Variants in NEK6 observed in about 807,000 individuals in gnomAD.
NEK6 encodes NIMA related kinase 6.
Under a neutral mutation model 43.5 loss-of-function variants are expected in NEK6, and 27 were observed. That is an observed-to-expected ratio of 0.62 (90% CI 0.46 to 0.86). The LOEUF (loss-of-function observed/expected upper bound fraction) is 0.86, where lower values mean the gene tolerates loss of function less well. Ranked by LOEUF, NEK6 falls within the 40% of genes least tolerant of loss-of-function variation. The pLI, the probability that NEK6 is intolerant of heterozygous loss-of-function variation, is 0.00. For synonymous variants in NEK6, 167 were observed against 164.1 expected (o/e 1.02, Z -0.14); for missense variants, 318 against 414.4 (o/e 0.77, Z 2.02).
chr9:124,336,931 C>T (rs1198860455), intron 7 of NEK6, among the ~76,000 whole-genome samples: 1 of 151,588 alleles, frequency 6.6e-6, no homozygotes, highest in Non-Finnish European at 1.5e-5. Flanking sequence ...TTCACTTCAA[C>T]CCGGAAGGCA....
At chr9:124,335,839 G>A (rs1177050611) in intron 7 of NEK6, among the ~76,000 whole-genome samples, 1 of 152,250 alleles carries the variant, frequency 6.6e-6, no homozygotes, top group Admixed American at 6.5e-5. Flanking sequence ...GCCGGATGCA[G>A]TGGCTCAGGC....
chr9:124,260,865 G>A (rs1379395749), intron 1 of NEK6, among the ~76,000 whole-genome samples: 1 of 152,216 alleles, frequency 6.6e-6, no homozygotes, highest in African/African-American at 2.4e-5. Context: ...GTGCTAATAC[G>A]CAGCAGAGCT....
chr9:124,276,245 T>TC (rs1231152434), intron 1 of NEK6, among the ~76,000 whole-genome samples: 1 of 152,002 alleles, frequency 6.6e-6, no homozygotes, highest in Non-Finnish European at 1.5e-5. Flanking sequence ...GAAGAAATGC[T>TC]CCCCAGGGGC....
chr9:124,328,822 G>T (rs557513547), intron 7 of NEK6, among the ~76,000 whole-genome samples: 6 of 152,322 alleles, frequency 3.9e-5, no homozygotes, highest in Non-Finnish European at 8.8e-5. Context: ...CGGGGAGGGG[G>T]TTGTTTTGAA....
At chr9:124,314,951 C>T (rs1833741438) in intron 4 of NEK6, among the ~76,000 whole-genome samples, 1 of 152,382 alleles carries the variant, frequency 6.6e-6, no homozygotes, top group Non-Finnish European at 1.5e-5. Flanking sequence ...GGAGCCACCG[C>T]ACCCGGCCCC....
At chr9:124,277,595 C>T (rs771009500) in intron 1 of NEK6, among the ~76,000 whole-genome samples, 2 of 152,196 alleles carry the variant, frequency 1.3e-5, no homozygotes, top group African/African-American at 2.4e-5. Flanking sequence ...CGATGCCTGC[C>T]GACTTGTGAG....
chr9:124,280,290 T>G (rs1831838778), intron 1 of NEK6, among the ~76,000 whole-genome samples: 1 of 152,206 alleles, frequency 6.6e-6, no homozygotes, highest in African/African-American at 2.4e-5. Context: ...TCCTGAGAAC[T>G]GGGGCCCACC....
chr9:124,301,944 CTCG>C lies in NEK6; in HGVS notation c.-19_-17del. 1 of 1,581,758 alleles carries C rather than the reference CTCG, an allele frequency of 6.3e-7. No homozygotes were observed. Among genetic ancestry groups the C allele is most frequent in the Non-Finnish European group, 8.6e-7 (1 of 1,163,132 alleles). On this transcript the variant is annotated 5_prime_UTR_variant, in exon 2 of 10. Coordinates refer to ENST00000320246, the MANE Select transcript of NEK6 (RefSeq NM_014397.6). ...GCTGTTTTCTGTTGCAGTTCGTGCCCTCGTGAGGCTGGCATGCAGGATGGCAGG... is the reference window on the plus strand; with the variant it reads ...GCTGTTTTCTGTTGCAGTTCGTGCCCTGAGGCTGGCATGCAGGATGGCAGG...
At chr9:124,315,366 C>T (rs547945258) in intron 4 of NEK6, among the ~76,000 whole-genome samples, 1 of 152,272 alleles carries the variant, frequency 6.6e-6, no homozygotes, top group South Asian at 2.1e-4. Context: ...ACACTCAGAA[C>T]AAAAGGGGAG....
intron 7 of NEK6, among the ~76,000 whole-genome samples, chr9:124,338,346 G>A (rs1301657143): frequency 3.3e-5 from 5 of 152,198 alleles, no homozygotes. Flanking sequence ...TGTGCTTCTT[G>A]GCCACTGGGA....
chr9:124,257,690 G>T, upstream of NEK6: 1 of 1,533,692 alleles, frequency 6.5e-7, no homozygotes, highest in Non-Finnish European at 8.7e-7. Context: ...GTCTAGAGCC[G>T]GAGAAGATGG....
At chr9:124,301,811 G>T in intron 1 of NEK6, 125 bp from the exon 2 acceptor site, 4 of 762,358 alleles carry the variant, frequency 5.2e-6, no homozygotes, top group Non-Finnish European at 6.7e-6. Flanking sequence ...CTGGGTGACC[G>T]TGGGCAAATT....
intron 1 of NEK6, among the ~76,000 whole-genome samples, chr9:124,273,335 A>G (rs1023092305): frequency 1.3e-5 from 2 of 152,192 alleles, no homozygotes; most frequent in South Asian, 2.1e-4. Flanking sequence ...CTAAAGAACA[A>G]TTCAGGGCTT....
At chr9:124,259,806 C>CT (rs757977177) in intron 1 of NEK6, among the ~76,000 whole-genome samples, 7 of 152,178 alleles carry the variant, frequency 4.6e-5, no homozygotes, top group Non-Finnish European at 1.0e-4. Flanking sequence ...TCGGAAATGA[C>CT]TAAAAAGTAG....
At chr9:124,316,792 G>A (rs1399057700) in intron 4 of NEK6, among the ~76,000 whole-genome samples, 2 of 152,186 alleles carry the variant, frequency 1.3e-5, no homozygotes, top group African/African-American at 4.8e-5. Context: ...TTAACCCCCT[G>A]CCCTCAGACG....
At chr9:124,283,432 G>A (rs1832014276) in intron 1 of NEK6, among the ~76,000 whole-genome samples, 1 of 152,374 alleles carries the variant, frequency 6.6e-6, no homozygotes, top group East Asian at 1.9e-4. Flanking sequence ...GTGCACGGGT[G>A]TAGCACTGGA....
Position 124,291,927 on chromosome 9 carries a change from TG to T in NEK6, c.-29-10006del, listed in dbSNP as rs1832439842. ...TGGCGGTGTCTGGGGACCGGAGTCT[TG>T]GGAAGGGGAAGTCCCATGCGGAGAC... On this transcript the variant is annotated intron_variant, in intron 1 of 9. Transcript: ENST00000320246. The T allele has an allele frequency of 1.1e-5, 11 of 985,558 alleles. No homozygotes were observed. In the South Asian group the frequency reaches 4.7e-4, roughly 42 times the overall value. 61.1% of individuals were successfully genotyped at this position (985,558 alleles called of 1,614,324 possible).
chr9:124,277,132 C>T (rs1319111963), intron 1 of NEK6, among the ~76,000 whole-genome samples: 3 of 152,128 alleles, frequency 2.0e-5, no homozygotes, highest in Non-Finnish European at 4.4e-5. Flanking sequence ...TACCTGAGGC[C>T]GCACTTCCAC....
Position 124,343,301 on chromosome 9 carries a change from G to A in NEK6, c.717+3636G>A, listed in dbSNP as rs1253780372. ...GATCGCAGCTGGGGAGGTACCGATC[G>A]CAGCGAGGGGTGGTGTGGGGGGACA... is the stretch of plus-strand genomic sequence containing the variant. On this transcript the variant is annotated intron_variant, in intron 8 of 9. Coordinates refer to ENST00000320246, the MANE Select transcript of NEK6 (RefSeq NM_014397.6). This position sits in a 1 kb window ranked among gnomAD's most constrained non-coding sequence, Gnocchi z 5.1. Among the ~76,000 whole-genome samples, 2 of 145,378 alleles carry A rather than the reference G, an allele frequency of 1.4e-5. No homozygotes were observed. The highest frequency in any genetic ancestry group is 4.1e-4 in the East Asian group (2 of 4,856).
Sources: gnomAD v4.1 joint callset for allele counts (sites outside exome capture counted in the v4.1 genomes callset) on GRCh38, gnomAD v4.1.1 for gene constraint, Gnocchi (gnomAD v3.1) non-coding constraint, MANE v1.5 for transcripts, NCBI Gene and HGNC (gene_info 2026-07-23, HGNC 2026-07-21) for gene names.